Variants in HCFC1R1 observed in about 807,000 individuals in gnomAD.
HCFC1R1 encodes the protein host cell factor C1 regulator 1, also known as HCF-1 beta-propeller-interacting protein.
HCFC1R1 carries 17 observed loss-of-function variants against 13.3 expected under a neutral mutation model. The observed-to-expected ratio is 1.28, with a 90% CI of 0.87 to 1.91. The LOEUF is 1.91. Among genes scored for constraint, HCFC1R1 ranks in the 40% most tolerant of loss-of-function variants. The pLI, the probability that HCFC1R1 is intolerant of heterozygous loss-of-function variation, is 0.00. For missense variants in HCFC1R1, 218 were observed against 177.9 expected, an observed-to-expected ratio of 1.23 and a Z score of -1.28; for synonymous variants, 87 against 71.1, an observed-to-expected ratio of 1.22 and a Z score of -1.12.
At position 3,023,926 on chromosome 16, in the gene HCFC1R1, G is replaced by A. The variant is rs2072699823; in HGVS notation, c.16C>T (p.Pro6Ser). 3 of 1,556,060 alleles carry A rather than the reference G, an allele frequency of 1.9e-6. No individual in the cohort carries two copies. The highest frequency in any genetic ancestry group is 2.6e-6 in the Non-Finnish European group (3 of 1,152,820). ...CCTCCCTGGGGGCCTCGCTGCAAGG[G>A]CTGCTGCAGGATCATTGGGTTTTGG... MILQQ[P>S]LQRGPQGGAQ... The change falls in exon 1 of 4, where the codon CCC becomes TCC. Residue 6 changes from proline (P) to serine (S), a missense_variant. Transcript: ENST00000248089.
rs2072666767 is a variant in HCFC1R1 at position 3,023,316 on chromosome 16, G to C, written c.198C>G (p.Thr66=). 3.7e-6 allele frequency: 6 copies of C among 1,600,358 alleles called. No individual in the cohort carries two copies. The highest frequency in any genetic ancestry group is 4.3e-6 in the Non-Finnish European group (5 of 1,171,106). Residue 66 remains threonine, a synonymous_variant, in exon 3 of 4, where the codon ACC becomes ACG. Coordinates refer to ENST00000248089, the MANE Select transcript of HCFC1R1 (RefSeq NM_017885.4). The part of the protein sequence containing the change: ...KQFLSEENMA[T]HFSQLSLHND... ...TGTGCAGGCTGAGTTGAGAGAAGTG[G>C]GTGGCCATGTTCTCCTCAGACAGAA...
rs370458497 is a variant in HCFC1R1 at position 3,022,996 on chromosome 16, C to G, written c.284G>C (p.Ser95Thr). Residue 95 changes from serine to threonine, a missense_variant and splice_region_variant, in exon 4 of 4, where the codon AGC becomes ACC. Coordinates refer to ENST00000248089, the MANE Select transcript of HCFC1R1 (RefSeq NM_017885.4). Reference sequence around the variant, plus strand: ...CCAGAGAAGCAGCTCAGAGCAAGGGCTCCTAGAAGAGGAAATGACTGTCAG... The same window carrying G: ...CCAGAGAAGCAGCTCAGAGCAAGGGGTCCTAGAAGAGGAAATGACTGTCAG... The part of the protein sequence containing the change: ...TFSPALPPLR[S>T]PCSELLLWRY... 2.8e-4 allele frequency: 452 copies of G among 1,597,582 alleles called. 8 individuals are homozygous for G. In the South Asian group the frequency reaches 4.8e-3, roughly 17 times the overall value.
At chr16:3,023,394 T>C in intron 2 of HCFC1R1, 33 bp from the exon 3 acceptor site, 1 of 1,613,394 alleles carries the variant, frequency 6.2e-7, no homozygotes, top group Non-Finnish European at 8.5e-7. Context: ...CAGGCTGGGA[T>C]ACTGACACAG....
At chr16:3,024,043 G>T, upstream of HCFC1R1, 1 of 978,706 alleles carries the variant, frequency 1.0e-6, no homozygotes, top group Non-Finnish European at 1.5e-6. Flanking sequence ...GCACAGCCGC[G>T]AGGTTCTGCG....
intron 3 of HCFC1R1, 51 bp from the exon 4 acceptor site, chr16:3,023,049 A>G (rs1461881504): frequency 6.3e-7 from 1 of 1,574,896 alleles, no homozygotes. Flanking sequence ...GGCCTAGCTG[A>G]GCACCTCCCA....
At position 3,022,841 on chromosome 16, in the gene HCFC1R1, G is replaced by T. The variant is rs1489079264; in HGVS notation, c.*22C>A. 6.7e-7 allele frequency: 1 copy of T among 1,497,132 alleles called. No homozygotes were observed. The highest frequency in any genetic ancestry group is 1.4e-5 in the South Asian group (1 of 72,106). 92.7% of individuals were successfully genotyped at this position (1,497,132 alleles called of 1,614,324 possible). A position where few individuals can be genotyped will look rare whatever the true frequency, so the allele number is the denominator to read the frequency against. The stretch of plus-strand genomic sequence containing the variant: ...CTGTTGTGGGGAAGAAGGAAGGTGG[G>T]AGGGGCACTGTCCACCAGCACTCAG... On this transcript the variant is annotated 3_prime_UTR_variant, in exon 4 of 4. Transcript: ENST00000248089.
chr16:3,023,957 T>C (rs199784360), upstream of HCFC1R1: 293 of 1,534,482 alleles, frequency 1.9e-4, 1 homozygote, highest in Non-Finnish European at 1.9e-4. Flanking sequence ...TTTGGGGTCC[T>C]GCGGGTGGGA....
At chr16:3,023,079 G>A (rs2072654083) in intron 3 of HCFC1R1, 81 bp from the exon 4 acceptor site, 4 of 1,534,336 alleles carry the variant, frequency 2.6e-6, no homozygotes, top group Non-Finnish European at 3.5e-6. Context: ...GGTCCCCAGG[G>A]GCTCCTGGGT....
At chr16:3,024,224 C>T, upstream of HCFC1R1, 1 of 1,473,880 alleles carries the variant, frequency 6.8e-7, no homozygotes, top group Non-Finnish European at 9.4e-7. Flanking sequence ...GCCACCTTCG[C>T]GCCGAAGGCG....
rs759842582 is a variant in HCFC1R1 at position 3,023,547 on chromosome 16, G to T, written c.96-17C>A. ...AGAGGGGAGCTGGGAAAAAAAGAGA[G>T]CCTGGTGCACCCCACCCTCTTGGCC... On this transcript the variant is annotated splice_polypyrimidine_tract_variant and intron_variant, in intron 1 of 3. Coordinates refer to ENST00000248089, the MANE Select transcript of HCFC1R1 (RefSeq NM_017885.4). 1 of 1,567,042 alleles carries T rather than the reference G, an allele frequency of 6.4e-7. No individual in the cohort carries two copies. The highest frequency in any genetic ancestry group is 1.9e-5 in the Admixed American group (1 of 53,700).
At position 3,023,876 on chromosome 16, in the gene HCFC1R1, G is replaced by T; in HGVS notation, c.66C>A (p.Ala22=). The T allele has an allele frequency of 6.4e-7, 1 of 1,552,278 alleles. No homozygotes were observed. Among genetic ancestry groups the T allele is most frequent in the Non-Finnish European group, 8.7e-7 (1 of 1,153,768 alleles). ...QGGAQRLPRA[A]LGVTWGLDAS... ...CGTCCAGGCCCCAAGTCACCCCCAA[G>T]GCGGCCCGCGGGAGGCGCTGGGCCC... Residue 22 remains alanine, a synonymous_variant, in exon 1 of 4, where the codon GCC becomes GCA. Transcript: ENST00000248089.
intron 3 of HCFC1R1, 102 bp from the exon 4 acceptor site, chr16:3,023,100 T>G (rs1027607486): frequency 1.3e-5 from 20 of 1,523,866 alleles, no homozygotes; most frequent in Non-Finnish European, 1.8e-5. Context: ...TCCCAGCACT[T>G]TCCAAAGAGC....
Position 3,022,736 on chromosome 16 carries a change from A to T in HCFC1R1, c.*127T>A. ...CCGTTGGGCTCAGTGTCCTCTGTTG[A>T]GGGAAGGTCTTGGTGCCCAGATGCC... On this transcript the variant is annotated 3_prime_UTR_variant, in exon 4 of 4. Coordinates refer to ENST00000248089, the MANE Select transcript of HCFC1R1 (RefSeq NM_017885.4). The T allele has an allele frequency of 6.7e-6, 5 of 747,656 alleles. No individual in the cohort carries two copies. Among genetic ancestry groups the T allele is most frequent in the Non-Finnish European group, 9.9e-6 (5 of 507,202 alleles). 46.3% of individuals were successfully genotyped at this position (747,656 alleles called of 1,614,324 possible).
chr16:3,023,987 GTC>G (rs767667452), upstream of HCFC1R1: 13 of 1,381,092 alleles, frequency 9.4e-6, no homozygotes, highest in East Asian at 1.7e-4. Context: ...CAGGGGAGGA[GTC>G]TCTGAGGGCG....
chr16:3,023,550 T>G lies in HCFC1R1; in HGVS notation c.96-20A>C. Reference sequence around the variant, plus strand: ...GGGGAGCTGGGAAAAAAAGAGAGCCTGGTGCACCCCACCCTCTTGGCCCCT... The same window carrying G: ...GGGGAGCTGGGAAAAAAAGAGAGCCGGGTGCACCCCACCCTCTTGGCCCCT... On this transcript the variant is annotated intron_variant, in intron 1 of 3. Coordinates refer to ENST00000248089, the MANE Select transcript of HCFC1R1 (RefSeq NM_017885.4). 6.4e-7 allele frequency: 1 copy of G among 1,563,812 alleles called. No homozygotes were observed.
At chr16:3,023,739 G>T in intron 1 of HCFC1R1, 108 bp downstream of exon 1, 1 of 1,076,520 alleles carries the variant, frequency 9.3e-7, no homozygotes, top group Non-Finnish European at 1.3e-6. Context: ...TCACGCCTAA[G>T]CCCCGCCGAT....
chr16:3,023,643 T>A, intron 1 of HCFC1R1, 113 bp from the exon 2 acceptor site: 11 of 1,285,236 alleles, frequency 8.6e-6, no homozygotes, highest in Non-Finnish European at 1.2e-5. Context: ...CTGTCTCAGC[T>A]GGTGCCGGTC....
intron 3 of HCFC1R1, 27 bp from the exon 4 acceptor site, chr16:3,023,025 A>G (rs1782217907): frequency 1.3e-6 from 2 of 1,591,878 alleles, no homozygotes; most frequent in Non-Finnish European, 1.7e-6. Context: ...CTGTCAGGGC[A>G]TGGAGCTGAG....
Position 3,023,456 on chromosome 16 carries a change from C to T in HCFC1R1, c.152+18G>A. The stretch of plus-strand genomic sequence containing the variant: ...GACAGAGATCTTGTTGGGAGTCCCT[C>T]CCTGCCCCCAAACTCACTGCTCCTC... On this transcript the variant is annotated intron_variant, in intron 2 of 3. Coordinates refer to ENST00000248089, the MANE Select transcript of HCFC1R1 (RefSeq NM_017885.4). The T allele has an allele frequency of 1.2e-6, 2 of 1,613,602 alleles. No homozygotes were observed. Among genetic ancestry groups the T allele is most frequent in the Non-Finnish European group, 1.7e-6 (2 of 1,179,810 alleles).
Sources: allele counts gnomAD v4.1 joint callset, GRCh38; gene constraint gnomAD v4.1.1; transcripts MANE v1.5; gene names NCBI Gene and HGNC (gene_info 2026-07-23, HGNC 2026-07-21).